The following RGS12 variants were observed in gnomAD, a reference collection of about 807,000 sequenced individuals.
The protein encoded by RGS12 is regulator of G protein signaling 12, also known as regulator of G-protein signaling 12.
In RGS12, 66 loss-of-function variants were observed where a neutral mutation model predicts 120.1. That is an observed-to-expected ratio of 0.55 (90% confidence interval 0.45 to 0.67). The LOEUF is 0.67. RGS12 is among the 30% of genes least tolerant of loss of function. The pLI is 0.00. For missense variants in RGS12, 1,859 were observed against 1,957.7 expected (o/e 0.95, Z 0.95); for synonymous variants, 827 against 804.7 (o/e 1.03, Z -0.47).
chr4:3,410,235 G>T (rs1048407732), intron 4 of RGS12, among the ~76,000 whole-genome samples: 1 of 152,200 alleles, frequency 6.6e-6, no homozygotes, highest in Non-Finnish European at 1.5e-5. Flanking sequence ...TGGAATAGCT[G>T]GGACCACAGG....
At chr4:3,391,861 T>C (rs1719540506) in intron 4 of RGS12, among the ~76,000 whole-genome samples, 1 of 152,132 alleles carries the variant, frequency 6.6e-6, no homozygotes, top group Non-Finnish European at 1.5e-5. Context: ...CTTCTCGGTC[T>C]GGGAGGATGT....
Position 3,422,444 on chromosome 4 carries a change from G to A in RGS12, c.2907G>A (p.Pro969=), listed in dbSNP as rs371819341. The A allele has an allele frequency of 1.1e-5, 18 of 1,613,010 alleles. No homozygotes were observed. Among genetic ancestry groups the A allele is most frequent in the Admixed American group, 1.7e-5 (1 of 60,008 alleles). ...KATKHCCIHL[P]DGTSCVVAVK... The stretch of plus-strand genomic sequence containing the variant: ...CCAAGCACTGCTGCATTCATCTCCC[G>A]GATGGGACATCCTGCGTGGTGGCTG... Residue 969 remains proline, a synonymous_variant, in exon 11 of 18, where the codon CCG becomes CCA. Coordinates refer to ENST00000336727, the MANE Select transcript of RGS12 (RefSeq NM_001394154.1).
intron 3 of RGS12, among the ~76,000 whole-genome samples, chr4:3,363,149 G>A (rs1252613394): frequency 2.6e-5 from 4 of 151,950 alleles, no homozygotes; most frequent in South Asian, 2.1e-4. Flanking sequence ...GTGTGTGTGC[G>A]CGAGGGCGTG....
chr4:3,416,150 G>C (rs918326713), intron 7 of RGS12, 29 bp downstream of exon 7: 3 of 1,612,950 alleles, frequency 1.9e-6, no homozygotes, highest in Non-Finnish European at 2.5e-6. Context: ...AGCTTGTGGG[G>C]AGTCCAGGCT....
In RGS12 at chr4:3,415,958, T is replaced by C; in HGVS notation, c.2284-20T>C. On this transcript the variant is annotated intron_variant, in intron 6 of 17. Coordinates refer to ENST00000336727, the MANE Select transcript of RGS12 (RefSeq NM_001394154.1). ...GGGAGAGGAAGCCTTGCCGGGCTGCTCAGGTGCCTTTCCTGTCAGCTTTCC... is the reference window on the plus strand; with the variant it reads ...GGGAGAGGAAGCCTTGCCGGGCTGCCCAGGTGCCTTTCCTGTCAGCTTTCC... 1.3e-6 allele frequency: 2 copies of C among 1,595,844 alleles called. No individual in the cohort carries two copies. The highest frequency in any genetic ancestry group is 1.7e-6 in the Non-Finnish European group (2 of 1,171,440).
intron 3 of RGS12, among the ~76,000 whole-genome samples, chr4:3,362,799 GA>G (rs1391493802): frequency 8.7e-5 from 13 of 148,618 alleles, no homozygotes; most frequent in African/African-American, 3.3e-4. Context: ...GGGTGTGTGT[GA>G]ATATGAGAGT....
intron 1 of RGS12, among the ~76,000 whole-genome samples, chr4:3,299,167 TC>T (rs1048505402): frequency 2.0e-5 from 3 of 152,056 alleles, no homozygotes; most frequent in Non-Finnish European, 4.4e-5. Flanking sequence ...CTGTTGACCT[TC>T]CGGCTGCCTC....
intron 1 of RGS12, among the ~76,000 whole-genome samples, chr4:3,304,569 C>T (rs993450472): frequency 5.9e-5 from 9 of 152,180 alleles, no homozygotes; most frequent in East Asian, 5.8e-4. Context: ...GCTGGAGCCT[C>T]GGTTTCCTCA....
At chr4:3,357,074 C>G (rs188749183) in intron 3 of RGS12, among the ~76,000 whole-genome samples, 65 of 152,236 alleles carry the variant, frequency 4.3e-4, no homozygotes, top group Non-Finnish European at 6.6e-4. Context: ...TAGTAGTCAT[C>G]CTAGTGAGTG....
chr4:3,387,637 A>C (rs938222524), intron 4 of RGS12, among the ~76,000 whole-genome samples: 1 of 152,228 alleles, frequency 6.6e-6, no homozygotes, highest in African/African-American at 2.4e-5. Flanking sequence ...ATGTCATTTA[A>C]TCAGTCTTAA....
intron 3 of RGS12, among the ~76,000 whole-genome samples, chr4:3,373,461 G>A (rs974337776): frequency 4.6e-5 from 7 of 152,226 alleles, no homozygotes; most frequent in East Asian, 1.9e-4. Flanking sequence ...AGTCTCTGTA[G>A]CATGAGCTTG....
intron 1 of RGS12, among the ~76,000 whole-genome samples, chr4:3,311,858 T>C (rs965414539): frequency 6.6e-6 from 1 of 152,192 alleles, no homozygotes; most frequent in Admixed American, 6.5e-5. Flanking sequence ...TGTGACGTGG[T>C]CGGTGACTCC....
At chr4:3,301,187 T>C (rs1470418648) in intron 1 of RGS12, among the ~76,000 whole-genome samples, 1 of 150,784 alleles carries the variant, frequency 6.6e-6, no homozygotes, top group African/African-American at 2.4e-5. Context: ...TAACACGGGG[T>C]CTGTCCCGGC....
chr4:3,367,836 A>G (rs1363438586), intron 3 of RGS12, among the ~76,000 whole-genome samples: 2 of 152,196 alleles, frequency 1.3e-5, no homozygotes, highest in African/African-American at 4.8e-5. Context: ...GAGAACCCGG[A>G]GGCCCTGTTG....
chr4:3,402,651 G>A (rs1442801472), intron 4 of RGS12, among the ~76,000 whole-genome samples: 1 of 152,156 alleles, frequency 6.6e-6, no homozygotes, highest in East Asian at 1.9e-4. Flanking sequence ...TCTGCGTTGG[G>A]TGGCGTCCTC....
intron 14 of RGS12, among the ~76,000 whole-genome samples, chr4:3,427,420 C>A (rs1225465171): frequency 6.6e-6 from 1 of 152,246 alleles, no homozygotes; most frequent in South Asian, 2.1e-4. Context: ...GTGGCCCTGG[C>A]ATGGGGCAAA....
chr4:3,343,734 C>G (rs1713500056), intron 3 of RGS12, among the ~76,000 whole-genome samples: 1 of 151,948 alleles, frequency 6.6e-6, no homozygotes, highest in African/African-American at 2.4e-5. Context: ...CCCTGGAAAT[C>G]CTCTATGCCC....
At chr4:3,429,773 G>C (rs998950414) in intron 16 of RGS12, among the ~76,000 whole-genome samples, 2 of 152,200 alleles carry the variant, frequency 1.3e-5, no homozygotes, top group Non-Finnish European at 2.9e-5. Context: ...GCCCCTCGGG[G>C]CTGTGGAGCT....
chr4:3,311,041 G>A (rs956055173), intron 1 of RGS12, among the ~76,000 whole-genome samples: 9 of 152,214 alleles, frequency 5.9e-5, no homozygotes, highest in Admixed American at 2.0e-4. Context: ...GATGACATGC[G>A]CTGCACAGCA....
Sources: gnomAD v4.1 joint callset for allele counts (sites outside exome capture counted in the v4.1 genomes callset) on GRCh38, gnomAD v4.1.1 for gene constraint, MANE v1.5 for transcripts, NCBI Gene and HGNC (gene_info 2026-07-23, HGNC 2026-07-21) for gene names.